AFF1: variants seen among roughly 807,000 people sequenced by gnomAD.
AFF1 encodes the protein AF4/FMR2 family member 1.
In AFF1, 48 loss-of-function variants were observed where a neutral mutation model predicts 121.7. That is an observed-to-expected ratio of 0.39 (90% CI 0.31 to 0.50). AFF1 has a LOEUF of 0.50. AFF1 is among the 20% of genes least tolerant of loss of function. AFF1 has a pLI of 0.76. For missense variants in AFF1, 1,523 were observed against 1,511.7 expected (o/e 1.01, Z -0.12); for synonymous variants, 613 against 563.0 (o/e 1.09, Z -1.26).
At chr4:87,065,378 A>G (rs1205764166) in intron 4 of AFF1, among the ~76,000 whole-genome samples, 1 of 152,114 alleles carries the variant, frequency 6.6e-6, no homozygotes, top group African/African-American at 2.4e-5. Context: ...CCCTCCCACA[A>G]CACATGGGAA....
chr4:87,103,634 A>G (rs1578255188), intron 8 of AFF1, among the ~76,000 whole-genome samples: 2 of 152,202 alleles, frequency 1.3e-5, no homozygotes, highest in East Asian at 1.9e-4. Context: ...CAGCATTTTC[A>G]TGGTGCCTGT....
chr4:87,010,641 C>T (rs1726642188), intron 2 of AFF1, among the ~76,000 whole-genome samples: 1 of 152,166 alleles, frequency 6.6e-6, no homozygotes, highest in African/African-American at 2.4e-5. Flanking sequence ...ATTAACAGTG[C>T]TTTATACTGA....
intron 6 of AFF1, among the ~76,000 whole-genome samples, chr4:87,090,995 A>C (rs937120071): frequency 6.8e-6 from 1 of 146,982 alleles, no homozygotes; most frequent in African/African-American, 2.6e-5. Flanking sequence ...AGCCTAGACA[A>C]CGGTGAGACC....
At chr4:87,119,806 A>G (rs1239145389) in intron 12 of AFF1, among the ~76,000 whole-genome samples, 2 of 152,194 alleles carry the variant, frequency 1.3e-5, no homozygotes, top group Non-Finnish European at 2.9e-5. Context: ...AGACACTTCA[A>G]CTTTTTTGGG....
intron 2 of AFF1, among the ~76,000 whole-genome samples, chr4:87,025,776 T>C (rs188652539): frequency 9.5e-4 from 145 of 152,262 alleles, no homozygotes; most frequent in African/African-American, 3.4e-3. Context: ...GAACTCTCGC[T>C]CTGCAGGTTT....
intron 4 of AFF1, among the ~76,000 whole-genome samples, chr4:87,048,926 G>GGT (rs575721504): frequency 5.8e-4 from 88 of 152,274 alleles, no homozygotes; most frequent in African/African-American, 2.0e-3. Context: ...CTGTGATGGA[G>GGT]GTAGGGGTAG....
chr4:87,031,704 TTA>T (rs1729104643), intron 2 of AFF1, among the ~76,000 whole-genome samples: 4 of 152,224 alleles, frequency 2.6e-5, no homozygotes, highest in African/African-American at 4.8e-5. Context: ...TAAACAGGTC[TTA>T]TAAAATATAA....
intron 10 of AFF1, among the ~76,000 whole-genome samples, chr4:87,107,921 T>C (rs1726083916): frequency 6.6e-6 from 1 of 152,210 alleles, no homozygotes; most frequent in Non-Finnish European, 1.5e-5. Context: ...TGACATATTC[T>C]TCAGGAGTAA....
chr4:86,949,227 T>C (rs1226203575), intron 2 of AFF1, among the ~76,000 whole-genome samples: 2 of 148,696 alleles, frequency 1.3e-5, no homozygotes, highest in African/African-American at 4.9e-5. Flanking sequence ...CAGGCTGGAG[T>C]GCAGTGGTGT....
intron 2 of AFF1, chr4:87,020,814 A>G (rs1373377132): frequency 3.0e-6 from 3 of 985,244 alleles, no homozygotes; most frequent in Non-Finnish European, 3.6e-6. Flanking sequence ...GGTAGTCATC[A>G]TTGTTAACGT....
intron 4 of AFF1, among the ~76,000 whole-genome samples, chr4:87,054,344 G>A (rs1411349614): frequency 6.6e-6 from 1 of 152,154 alleles, no homozygotes; most frequent in East Asian, 1.9e-4. Context: ...ACACTGAACT[G>A]ATGGATGGGG....
At chr4:87,075,787 T>C (rs1429038583) in intron 4 of AFF1, among the ~76,000 whole-genome samples, 1 of 152,212 alleles carries the variant, frequency 6.6e-6, no homozygotes, top group African/African-American at 2.4e-5. Context: ...TCTGTGAAGT[T>C]GTCTGGAGTT....
intron 2 of AFF1, among the ~76,000 whole-genome samples, chr4:87,044,954 G>A (rs1014484155): frequency 1.3e-5 from 2 of 152,142 alleles, no homozygotes; most frequent in African/African-American, 2.4e-5. Context: ...GTAGTAAAGA[G>A]CCATCAAATG....
intron 2 of AFF1, among the ~76,000 whole-genome samples, chr4:86,993,345 ATATAT>A (rs967748329): frequency 1.3e-5 from 2 of 152,140 alleles, no homozygotes; most frequent in African/African-American, 4.8e-5. Flanking sequence ...TGGCTTGCCT[ATATAT>A]GTAGTTTTTT....
intron 8 of AFF1, among the ~76,000 whole-genome samples, chr4:87,101,031 A>G (rs1202252514): frequency 6.6e-6 from 1 of 152,190 alleles, no homozygotes; most frequent in African/African-American, 2.4e-5. Context: ...TTTCCCCTCT[A>G]TCTTGTTACC....
rs1725371718 is a variant in AFF1 at position 87,100,926 on chromosome 4, G to A, written c.1284-4702G>A. ...TTTGACATCAGATAATCTTCACTTCGTCCATGGAGTTTAAATAATCTTTTA... is the reference window on the plus strand; with the variant it reads ...TTTGACATCAGATAATCTTCACTTCATCCATGGAGTTTAAATAATCTTTTA... On this transcript the variant is annotated intron_variant, in intron 8 of 20. Coordinates refer to ENST00000395146, the MANE Select transcript of AFF1 (RefSeq NM_001166693.3). Among the ~76,000 whole-genome samples the A allele has an allele frequency of 4.0e-5, 6 of 151,678 alleles. No individual in the cohort carries two copies. The South Asian group carries it at 8.3e-4, about 21-fold the overall frequency.
Position 87,046,809 on chromosome 4 carries a change from A to G in AFF1, c.274A>G (p.Asn92Asp), listed in dbSNP as rs1730740414. 1 of 1,614,190 alleles carries G rather than the reference A, an allele frequency of 6.2e-7. No individual in the cohort carries two copies. The highest frequency in any genetic ancestry group is 1.1e-5 in the South Asian group (1 of 91,084). ...CACTCATCGCCTGGATGCTTCTGAA[A>G]ATAGGTTGGGAAAGCCGAAATATCC... ...SHTHRLDASE[N>D]RLGKPKYPLI... Residue 92 changes from asparagine to aspartate, a missense_variant, in exon 4 of 21, where the codon AAT becomes GAT. By Grantham distance (23) the Asn-to-Asp change is conservative. Transcript: ENST00000395146.
chr4:86,989,404 T>C (rs888453840), intron 2 of AFF1, among the ~76,000 whole-genome samples: 1 of 152,230 alleles, frequency 6.6e-6, no homozygotes, highest in African/African-American at 2.4e-5. Context: ...AAGACATTTA[T>C]GCGGCCAACA....
chr4:86,977,171 AG>A lies in AFF1; in HGVS notation c.38+28601del, dbSNP rs547987224. On this transcript the variant is annotated intron_variant, in intron 2 of 20. Transcript: ENST00000395146. ...TTCTAAGACCCCCAGTGAGTCCTGA[AG>A]TCACAGATAGTACTGCACCCTATAC... Among the ~76,000 whole-genome samples, 24 of 149,712 alleles carry A rather than the reference AG, an allele frequency of 1.6e-4. No individual in the cohort carries two copies. The East Asian group carries it at 4.4e-3, about 28-fold the overall frequency.
Sources: gnomAD v4.1 joint callset for allele counts (sites outside exome capture counted in the v4.1 genomes callset) on GRCh38, gnomAD v4.1.1 for gene constraint, MANE v1.5 for transcripts, NCBI Gene and HGNC (gene_info 2026-07-23, HGNC 2026-07-21) for gene names.